Variants in SEMA6C observed in about 807,000 individuals in gnomAD.
SEMA6C encodes semaphorin-6C.
Under a neutral mutation model 72.9 loss-of-function variants are expected in SEMA6C, and 37 were observed. The observed-to-expected ratio is 0.51, with a 90% CI of 0.39 to 0.67. The LOEUF (loss-of-function observed/expected upper bound fraction) is 0.67. Among genes scored for constraint, SEMA6C ranks in the 30% least tolerant of loss-of-function variants. SEMA6C has a pLI of 0.00. For missense variants in SEMA6C, 1,189 were observed against 1,263.6 expected (o/e 0.94, Z 0.89); for synonymous variants, 578 against 554.1 (o/e 1.04, Z -0.61).
Position 151,136,533 on chromosome 1 carries a change from G to A in SEMA6C, c.1021C>T (p.Arg341Cys). The A allele has an allele frequency of 6.2e-7, 1 of 1,614,070 alleles. No homozygotes were observed. The highest frequency in any genetic ancestry group is 8.5e-7 in the Non-Finnish European group (1 of 1,180,018). ...TCCTTGAACTTGCCCTCAAACCCAC[G>A]CTCAATCTCATCCAGGTAGAAGGCG... is the stretch of plus-strand genomic sequence containing the variant. ...VCAFYLDEIE[R>C]GFEGKFKEQR... The change falls in exon 12 of 19, where the codon CGT (arginine) becomes TGT (cysteine). Residue 341 changes from arginine to cysteine, a missense_variant. Arg to Cys is a radical substitution (Grantham distance 180). Transcript: ENST00000368914.
intron 4 of SEMA6C, 96 bp downstream of exon 4, chr1:151,139,880 A>ATG (rs1296344597): frequency 1.5e-5 from 20 of 1,298,002 alleles, no homozygotes; most frequent in Non-Finnish European, 2.2e-5. Context: ...GTGCACCTGC[A>ATG]TGTGTCCCCT....
chr1:151,132,700 G>C lies in SEMA6C; in HGVS notation c.2577C>G (p.Ala859=). The C allele has an allele frequency of 6.7e-7, 1 of 1,492,600 alleles. No homozygotes were observed. The highest frequency in any genetic ancestry group is 8.9e-7 in the Non-Finnish European group (1 of 1,120,220). 92.5% of individuals were successfully genotyped at this position (1,492,600 alleles called of 1,614,324 possible). A position where few individuals can be genotyped will look rare whatever the true frequency, so the allele number is the denominator to read the frequency against. ...GRRLPFSGHR[A]PPALLTRVPS... is the part of the protein sequence containing the mutation. ...GGACTCGAGTGAGCAGGGCAGGGGG[G>C]GCCCGGTGGCCGGAGAAAGGCAACC... is the stretch of plus-strand genomic sequence containing the variant. The change falls in exon 19 of 19, where the codon GCC becomes GCG. Residue 859 remains alanine, a synonymous_variant. Coordinates refer to ENST00000368914, the MANE Select transcript of SEMA6C (RefSeq NM_030913.6).
In SEMA6C at chr1:151,132,794, C is replaced by T. The variant is rs1359619089; in HGVS notation, c.2483G>A (p.Cys828Tyr). 3.0e-6 allele frequency: 4 copies of T among 1,345,736 alleles called. No individual in the cohort carries two copies. Among genetic ancestry groups the T allele is most frequent in the Non-Finnish European group, 2.9e-6 (3 of 1,044,824 alleles). The allele number at this position is 1,345,736 out of a possible 1,614,324, so 83.4% of individuals were successfully genotyped here. Reference sequence around the variant, plus strand: ...CGCGGGCCGGGCGGGGGCAGAGGCGCACCTGCCCTCGGGGGGCACGTCCAG... The same window carrying T: ...CGCGGGCCGGGCGGGGGCAGAGGCGTACCTGCCCTCGGGGGGCACGTCCAG... ...LRLDVPPEGR[C>Y]ASAPARPALS... The change falls in exon 19 of 19, where the codon TGC becomes TAC. Residue 828 changes from cysteine (C) to tyrosine (Y), a missense_variant. Transcript: ENST00000368914.
intron 3 of SEMA6C, among the ~76,000 whole-genome samples, chr1:151,141,262 A>G (rs1682526791): frequency 6.6e-6 from 1 of 152,156 alleles, no homozygotes; most frequent in Admixed American, 6.5e-5. Context: ...GGTGTTGGGA[A>G]CCACTGAACT....
In SEMA6C at chr1:151,132,509, G is replaced by A; in HGVS notation, c.2768C>T (p.Pro923Leu). 6.5e-7 allele frequency: 1 copy of A among 1,549,754 alleles called. No individual in the cohort carries two copies. Among genetic ancestry groups the A allele is most frequent in the Non-Finnish European group, 8.7e-7 (1 of 1,146,512 alleles). ...TTAAAAGTTGAAACGGCCGCCGTTC[G>A]GGACGGCCTGGCGGGAGGAGGGCCC... The part of the protein sequence containing the change: ...LVGPSSRQAV[P>L]NGGRFNF Residue 923 changes from proline to leucine, a missense_variant, in exon 19 of 19, where the codon CCG becomes CTG. Coordinates refer to ENST00000368914, the MANE Select transcript of SEMA6C (RefSeq NM_030913.6).
At chr1:151,134,479 AAG>A in intron 17 of SEMA6C, 34 bp from the exon 18 acceptor site, 1 of 1,609,126 alleles carries the variant, frequency 6.2e-7, no homozygotes, top group Non-Finnish European at 8.5e-7. Context: ...GATGGGGGGA[AAG>A]AGAAGCTTCA....
chr1:151,133,587 GC>G lies in SEMA6C; in HGVS notation c.1760-71del. The G allele has an allele frequency of 7.0e-7, 1 of 1,438,506 alleles. No homozygotes were observed. The highest frequency in any genetic ancestry group is 1.5e-5 in the South Asian group (1 of 68,622). 89.1% of individuals were successfully genotyped at this position (1,438,506 alleles called of 1,614,324 possible). On this transcript the variant is annotated intron_variant, in intron 18 of 18. Transcript: ENST00000368914. The surrounding 1 kb of genome is among the most constrained non-coding windows in gnomAD (Gnocchi z 5.9). ...GTGCGGGGTACCTAGGCCCAGAGGC[GC>G]CGGCAGTTCCCAGGCCTGACATCAT...
Position 151,139,705 on chromosome 1 carries a change from AG to A in SEMA6C, c.234-5del. 6.3e-7 allele frequency: 1 copy of A among 1,598,746 alleles called. No homozygotes were observed. Among genetic ancestry groups the A allele is most frequent in the East Asian group, 2.2e-5 (1 of 44,608 alleles). ...ATCGAAGGAGAAAACGTGATCCCTG[AG>A]GGGGTAGGTAAGGAGGGGTCAGAGC... On this transcript the variant is annotated splice_polypyrimidine_tract_variant and splice_region_variant and intron_variant, in intron 4 of 18. Transcript: ENST00000368914.
rs753467992 is a variant in SEMA6C at position 151,132,031 on chromosome 1, C to T, written c.*453G>A. ...GAGCCGACCGACTGCCGCCCTCCCC[C>T]GCCCGAGTGAAGTCAGGCAGTGGCT... On this transcript the variant is annotated 3_prime_UTR_variant, in exon 19 of 19. Coordinates refer to ENST00000368914, the MANE Select transcript of SEMA6C (RefSeq NM_030913.6). 3.1e-5 allele frequency: 12 copies of T among 386,808 alleles called. No individual in the cohort carries two copies. Among genetic ancestry groups the T allele is most frequent in the Non-Finnish European group, 4.9e-5 (11 of 223,938 alleles). 24.0% of individuals were successfully genotyped at this position (386,808 alleles called of 1,614,324 possible). A position where few individuals can be genotyped will look rare whatever the true frequency, so the allele number is the denominator to read the frequency against.
Position 151,137,695 on chromosome 1 carries a change from A to C in SEMA6C, c.756+16T>G. 6.2e-7 allele frequency: 1 copy of C among 1,604,530 alleles called. No homozygotes were observed. Among genetic ancestry groups the C allele is most frequent in the Non-Finnish European group, 8.5e-7 (1 of 1,173,294 alleles). On this transcript the variant is annotated intron_variant, in intron 10 of 18. Transcript: ENST00000368914. ...CAGAACCCTCCAGCTACCCACCCTG[A>C]TGCCCACCTCCTTACCCTCCCCAGC...
rs184801439 is a variant in SEMA6C at position 151,139,815 on chromosome 1, C to T, written c.234-114G>A. On this transcript the variant is annotated intron_variant, in intron 4 of 18. Coordinates refer to ENST00000368914, the MANE Select transcript of SEMA6C (RefSeq NM_030913.6). ...CTTCTGGCCCTCCCCTTCCCCCTTC[C>T]TCCATGCCTTGGCATTTGTGCTCTG... 115 of 1,268,476 alleles carry T rather than the reference C, an allele frequency of 9.1e-5. No individual in the cohort carries two copies. In the African/African-American group the frequency reaches 1.6e-3, roughly 18 times the overall value. 78.6% of individuals were successfully genotyped at this position (1,268,476 alleles called of 1,614,324 possible). A position where few individuals can be genotyped will look rare whatever the true frequency, so the allele number is the denominator to read the frequency against.
chr1:151,143,649 G>C (rs1353124651), intron 2 of SEMA6C, among the ~76,000 whole-genome samples: 1 of 152,156 alleles, frequency 6.6e-6, no homozygotes, highest in African/African-American at 2.4e-5. Context: ...GGAAAAGATG[G>C]ATATGGTGGA....
Position 151,132,916 on chromosome 1 carries a change from G to A in SEMA6C, c.2361C>T (p.Pro787=), listed in dbSNP as rs749487035. 2.1e-5 allele frequency: 29 copies of A among 1,381,766 alleles called. No homozygotes were observed. Among genetic ancestry groups the A allele is most frequent in the Admixed American group, 3.1e-5 (1 of 32,062 alleles). The allele number at this position is 1,381,766 out of a possible 1,614,324, so 85.6% of individuals were successfully genotyped here. ...PQPPRKGAEP[P]APLTSRALPP... is the part of the protein sequence containing the mutation. ...GGAGCGCCCGCGAGGTTAAAGGGGCGGGGGGCTCGGCCCCCTTTCTGGGCG... is the reference window on the plus strand; with the variant it reads ...GGAGCGCCCGCGAGGTTAAAGGGGCAGGGGGCTCGGCCCCCTTTCTGGGCG... Residue 787 remains proline (P), a synonymous_variant, in exon 19 of 19, where the codon CCC becomes CCT. Coordinates refer to ENST00000368914, the MANE Select transcript of SEMA6C (RefSeq NM_030913.6).
intron 7 of SEMA6C, 98 bp downstream of exon 7, chr1:151,138,532 A>G: frequency 6.9e-7 from 1 of 1,444,482 alleles, no homozygotes; most frequent in Non-Finnish European, 9.6e-7. Flanking sequence ...GGGCACTCCC[A>G]TTCCCCAACC....
chr1:151,133,470 TG>T lies in SEMA6C; in HGVS notation c.1806del (p.Ile603SerfsTer148), dbSNP rs750912916. 1 of 1,552,622 alleles carries T rather than the reference TG, an allele frequency of 6.4e-7. No individual in the cohort carries two copies. Among genetic ancestry groups the T allele is most frequent in the South Asian group, 1.2e-5 (1 of 86,066 alleles). The stretch of plus-strand genomic sequence containing the variant: ...GCCACACTGGCCAGGAGGAGTGGGA[TG>T]GGGACGGAGCGGGAGGCCGAGGCTG... ...LPPASASRSV[P>X]IPLLLASVAA... On this transcript the variant is annotated frameshift_variant, in exon 19 of 19. Coordinates refer to ENST00000368914, the MANE Select transcript of SEMA6C (RefSeq NM_030913.6). LOFTEE classifies it low-confidence loss of function (END_TRUNC). The surrounding 1 kb of genome is among the most constrained non-coding windows in gnomAD (Gnocchi z 5.9).
chr1:151,134,310 A>G, intron 18 of SEMA6C, 91 bp downstream of exon 18: 1 of 1,259,334 alleles, frequency 7.9e-7, no homozygotes, highest in Non-Finnish European at 1.1e-6. Flanking sequence ...CTCCCAGGGT[A>G]TTCAGAATGC....
chr1:151,145,080 A>G lies in SEMA6C; in HGVS notation c.-104-646T>C, dbSNP rs970361480. ...GAAGCAGCATCTGGTCAGCTCCTCA[A>G]CTCCTGGCCTGGAGAAAAGATCACT... On this transcript the variant is annotated intron_variant, in intron 1 of 18. Coordinates refer to ENST00000368914, the MANE Select transcript of SEMA6C (RefSeq NM_030913.6). The surrounding 1 kb of genome is among the most constrained non-coding windows in gnomAD (Gnocchi z 4.4). The G allele has an allele frequency of 6.6e-6, 1 of 151,950 alleles. No individual in the cohort carries two copies. The highest frequency in any genetic ancestry group is 3.1e-3 in the Middle Eastern group (1 of 318). The allele number at this position is 151,950 out of a possible 1,614,324, so 9.4% of individuals were successfully genotyped here.
chr1:151,135,474 C>T, intron 14 of SEMA6C, 117 bp downstream of exon 14: 1 of 1,456,146 alleles, frequency 6.9e-7, no homozygotes, highest in Non-Finnish European at 9.3e-7. Flanking sequence ...CTGTCTAGCC[C>T]AGAGCTCCCA....
intron 11 of SEMA6C, 96 bp from the exon 12 acceptor site, chr1:151,136,675 G>T: frequency 6.7e-7 from 1 of 1,500,200 alleles, no homozygotes; most frequent in Non-Finnish European, 9.1e-7. Flanking sequence ...CACATTAAGA[G>T]ATAGAGACTG....
Sources: gnomAD v4.1 joint callset for allele counts (sites outside exome capture counted in the v4.1 genomes callset) on GRCh38, gnomAD v4.1.1 for gene constraint, Gnocchi (gnomAD v3.1) non-coding constraint, MANE v1.5 for transcripts, NCBI Gene and HGNC (gene_info 2026-07-23, HGNC 2026-07-21) for gene names.